The following ASMTL variants were observed in gnomAD, a reference collection of about 807,000 sequenced individuals.
ASMTL encodes acetylserotonin O-methyltransferase like.
ASMTL carries 57 observed loss-of-function variants against 60.3 expected under a neutral mutation model. The ratio of observed to expected loss-of-function variants is 0.95; its 90% CI spans 0.76 to 1.18. The LOEUF (loss-of-function observed/expected upper bound fraction) is 1.18. Ranked by LOEUF, ASMTL falls within the 50% of genes most tolerant of loss-of-function variation. ASMTL has a pLI of 0.00. For missense variants in ASMTL, 981 were observed against 852.6 expected (o/e 1.15, Z -1.88); for synonymous variants, 419 against 373.0 (o/e 1.12, Z -1.42).
At chrX:1,430,722 T>C (rs1200922388) in intron 6 of ASMTL, among the ~76,000 whole-genome samples, 1 of 151,496 alleles carries the variant, frequency 6.6e-6, no homozygotes, top group African/African-American at 2.4e-5. Flanking sequence ...CAGTGAGCTA[T>C]GACTGTACCA....
At chrX:1,422,962 A>AT (rs1292570771) in intron 8 of ASMTL, among the ~76,000 whole-genome samples, 24 of 151,384 alleles carry the variant, frequency 1.6e-4, no homozygotes, top group Non-Finnish European at 2.8e-4. Context: ...TAATTTTTTA[A>AT]TTTTTTTTGA....
Position 1,452,891 on chromosome X carries a change from G to C in ASMTL, c.-51C>G, listed in dbSNP as rs747292234. On this transcript the variant is annotated 5_prime_UTR_variant, in exon 1 of 13. Coordinates refer to ENST00000381317, the MANE Select transcript of ASMTL (RefSeq NM_004192.4). ...CCGCACTTCTGAGCCCGGAGCCCGC[G>C]GTGCGCGCAGCGCGGCTGCAAAAAA... 1.8e-5 allele frequency: 25 copies of C among 1,383,008 alleles called. No individual in the cohort carries two copies. Among genetic ancestry groups the C allele is most frequent in the Non-Finnish European group, 2.2e-5 (23 of 1,036,482 alleles). 85.7% of individuals were successfully genotyped at this position (1,383,008 alleles called of 1,614,324 possible).
At chrX:1,417,523 GCACACA>G (rs374406800) in intron 11 of ASMTL, among the ~76,000 whole-genome samples, 26 of 149,086 alleles carry the variant, frequency 1.7e-4, no homozygotes, top group Admixed American at 1.1e-3. Flanking sequence ...ACACAGACAT[GCACACA>G]CACACACATG....
At chrX:1,433,857 T>G (rs2090884352) in intron 5 of ASMTL, among the ~76,000 whole-genome samples, 1 of 152,014 alleles carries the variant, frequency 6.6e-6, no homozygotes, top group Non-Finnish European at 1.5e-5. Context: ...TGCTCCTTCA[T>G]AACAAAACCC....
At chrX:1,439,041 C>T in intron 3 of ASMTL, 56 bp downstream of exon 3, 3 of 1,579,206 alleles carry the variant, frequency 1.9e-6, no homozygotes, top group Non-Finnish European at 2.6e-6. Context: ...GCAGAATCAC[C>T]AAGCACAGGA....
intron 12 of ASMTL, among the ~76,000 whole-genome samples, chrX:1,411,207 CACAGAGAA>C (rs1219842212): frequency 1.6e-5 from 2 of 123,360 alleles, no homozygotes; most frequent in Non-Finnish European, 3.4e-5. Context: ...AAGAGAGATA[CACAGAGAA>C]AGAGAGAAAG....
intron 1 of ASMTL, 167 bp from the exon 2 acceptor site, chrX:1,442,484 G>A (rs1187449375): frequency 1.7e-5 from 5 of 290,562 alleles, no homozygotes; most frequent in East Asian, 1.7e-4. Context: ...CTGGGGAGCC[G>A]GGGACTGACC....
rs182370220 is a variant in ASMTL at position 1,416,096 on chromosome X, C to T, written c.1522+1877G>A. 4.0e-5 allele frequency among the ~76,000 whole-genome samples: 6 copies of T among 150,684 alleles called. No homozygotes were observed. In the East Asian group the frequency reaches 1.2e-3, roughly 29 times the overall value. On this transcript the variant is annotated intron_variant, in intron 11 of 12. Transcript: ENST00000381317. Reference sequence around the variant, plus strand: ...ACAGATGGGCACACTCACGCACGGACACACAGTGATACACCAACAGGCACA... The same window carrying T: ...ACAGATGGGCACACTCACGCACGGATACACAGTGATACACCAACAGGCACA...
rs748339983 is a variant in ASMTL, at chrX:1,407,831, CAG to C, written c.1646-4344_1646-4343del. 1.0e-3 allele frequency among the ~76,000 whole-genome samples: 151 copies of C among 151,670 alleles called. 1 individual carries two copies. The highest frequency in any genetic ancestry group is 3.1e-3 in the African/African-American group (128 of 41,336). On this transcript the variant is annotated intron_variant, in intron 12 of 12. Coordinates refer to ENST00000381317, the MANE Select transcript of ASMTL (RefSeq NM_004192.4). ...AGGAGGAAGGAGGAGAGAAGAGAAA[CAG>C]AGATTGATGATGATAGATGAGATAC...
chrX:1,410,807 T>C (rs1490122251), intron 12 of ASMTL, among the ~76,000 whole-genome samples: 1 of 151,900 alleles, frequency 6.6e-6, no homozygotes, highest in African/African-American at 2.4e-5. Flanking sequence ...GGAGGACAGC[T>C]TGAGCCTAGG....
chrX:1,450,232 G>C (rs2091328209), intron 1 of ASMTL, among the ~76,000 whole-genome samples: 1 of 151,902 alleles, frequency 6.6e-6, no homozygotes, highest in South Asian at 2.1e-4. Context: ...CATGTGATTA[G>C]GGCTCCAGAG....
intron 6 of ASMTL, among the ~76,000 whole-genome samples, chrX:1,431,333 AAAT>A (rs2090779817): frequency 1.5e-5 from 2 of 131,992 alleles, no homozygotes; most frequent in South Asian, 4.6e-4. Context: ...ATATAATTAT[AAAT>A]AATTATAAAT....
chrX:1,434,277 C>T (rs2090899222), intron 5 of ASMTL, among the ~76,000 whole-genome samples: 1 of 151,704 alleles, frequency 6.6e-6, no homozygotes, highest in Admixed American at 6.6e-5. Flanking sequence ...ATTTCTTCAG[C>T]CCAGGAGTTC....
chrX:1,410,756 GATGC>G (rs2089981909), intron 12 of ASMTL, among the ~76,000 whole-genome samples: 1 of 151,228 alleles, frequency 6.6e-6, no homozygotes, highest in African/African-American at 2.4e-5. Flanking sequence ...GGTGATGCAT[GATGC>G]ATGCCTGTAC....
intron 9 of ASMTL, among the ~76,000 whole-genome samples, chrX:1,419,539 GCTC>G (rs1339405109): frequency 1.3e-5 from 2 of 152,002 alleles, no homozygotes; most frequent in Non-Finnish European, 2.9e-5. Flanking sequence ...TGCAGAGGGG[GCTC>G]CTCCGAGAAT....
chrX:1,436,498 G>A (rs1271419718), intron 3 of ASMTL, among the ~76,000 whole-genome samples: 14 of 152,054 alleles, frequency 9.2e-5, no homozygotes, highest in African/African-American at 2.9e-4. Context: ...GACTACAGGC[G>A]CCCGCCACCA....
At chrX:1,426,939 T>C (rs28705040) in intron 7 of ASMTL, among the ~76,000 whole-genome samples, 97,776 of 151,150 alleles carry the variant, frequency 0.65, 32,518 homozygotes, top group East Asian at 0.83. Flanking sequence ...GCCGAGATCA[T>C]GCCACTGCAC....
At chrX:1,422,796 G>T (rs1451656559) in intron 8 of ASMTL, among the ~76,000 whole-genome samples, 1 of 152,130 alleles carries the variant, frequency 6.6e-6, no homozygotes, top group Non-Finnish European at 1.5e-5. Context: ...ATGAATAAAT[G>T]ATGAGACCTA....
At chrX:1,432,176 T>C in intron 6 of ASMTL, 93 bp downstream of exon 6, 1 of 1,093,538 alleles carries the variant, frequency 9.1e-7, no homozygotes, top group African/African-American at 1.6e-5. Flanking sequence ...CGGGGCCTCC[T>C]TCTTTCCCAA....
Sources: allele counts gnomAD v4.1 joint callset (sites outside exome capture counted in the v4.1 genomes callset), GRCh38; gene constraint gnomAD v4.1.1; transcripts MANE v1.5; gene names NCBI Gene and HGNC (gene_info 2026-07-23, HGNC 2026-07-21).